The following LAMA3 variants were observed in gnomAD, a reference collection of about 807,000 sequenced individuals.
LAMA3 encodes laminin subunit alpha 3, also known as laminin subunit alpha-3.
In LAMA3, 281 loss-of-function variants were observed where a neutral mutation model predicts 402.0. The ratio of observed to expected loss-of-function variants is 0.70; its 90% CI spans 0.63 to 0.77. The LOEUF (loss-of-function observed/expected upper bound fraction) is 0.77, where lower values mean the gene tolerates loss of function less well. LAMA3 is among the 30% of genes least tolerant of loss of function. The pLI is 0.00. For synonymous variants in LAMA3, 1,431 were observed against 1,558.4 expected, an observed-to-expected ratio of 0.92 and a Z score of 1.93; for missense variants, 3,840 against 4,215.5, an observed-to-expected ratio of 0.91 and a Z score of 2.47.
chr18:23,815,269 A>T (rs771023146), intron 16 of LAMA3, 29 bp downstream of exon 16: 1 of 1,606,622 alleles, frequency 6.2e-7, no homozygotes. Context: ...TCATGTGACA[A>T]CAGCAGAATG....
chr18:23,777,173 G>A (rs111714215), intron 10 of LAMA3, among the ~76,000 whole-genome samples: 13 of 151,548 alleles, frequency 8.6e-5, no homozygotes, highest in African/African-American at 2.4e-4. Flanking sequence ...GAAGAAACCT[G>A]AAGTAGTTTT....
intron 2 of LAMA3, among the ~76,000 whole-genome samples, chr18:23,745,444 G>T (rs2061637664): frequency 6.6e-6 from 1 of 152,102 alleles, no homozygotes; most frequent in Admixed American, 6.5e-5. Flanking sequence ...GGGCTCTCTA[G>T]AATAGAATTT....
chr18:23,829,136 G>A (rs898652982), intron 23 of LAMA3, among the ~76,000 whole-genome samples: 1 of 152,200 alleles, frequency 6.6e-6, no homozygotes, highest in Non-Finnish European at 1.5e-5. Flanking sequence ...TATCAGTTTA[G>A]TTCAGACTTT....
At chr18:23,734,292 G>A (rs1480360090) in intron 2 of LAMA3, among the ~76,000 whole-genome samples, 5 of 152,194 alleles carry the variant, frequency 3.3e-5, no homozygotes, top group African/African-American at 7.2e-5. Flanking sequence ...ACGGGACCAT[G>A]GGGCCTGCTT....
intron 58 of LAMA3, among the ~76,000 whole-genome samples, 192 bp from the exon 59 acceptor site, chr18:23,915,097 C>G (rs1181037075): frequency 6.6e-6 from 1 of 152,136 alleles, no homozygotes; most frequent in Non-Finnish European, 1.5e-5. Context: ...GATGAGGAAA[C>G]AGAGACAGCG....
At chr18:23,756,842 C>A (rs1269090719) in intron 6 of LAMA3, among the ~76,000 whole-genome samples, 1 of 152,102 alleles carries the variant, frequency 6.6e-6, no homozygotes, top group Non-Finnish European at 1.5e-5. Context: ...CCCAGTCCTT[C>A]CCCAACCACG....
chr18:23,876,280 T>C lies in LAMA3; in HGVS notation c.4999-14T>C. 2 of 1,561,154 alleles carry C rather than the reference T, an allele frequency of 1.3e-6. No individual in the cohort carries two copies. The highest frequency in any genetic ancestry group is 1.8e-6 in the Non-Finnish European group (2 of 1,131,740). On this transcript the variant is annotated splice_polypyrimidine_tract_variant and intron_variant, in intron 38 of 74. Transcript: ENST00000313654. ...CTTTCTTTGTATTGATTAAACACTT[T>C]GTTTGAAAAATAGGGTTGTAGCCCT...
intron 2 of LAMA3, among the ~76,000 whole-genome samples, chr18:23,731,961 A>G (rs932293727): frequency 3.9e-5 from 6 of 152,156 alleles, no homozygotes; most frequent in Non-Finnish European, 1.5e-5. Context: ...GCTTTAGGAG[A>G]GGTAAGACAT....
In LAMA3 at chr18:23,819,883, G is replaced by A. The variant is rs1568218431; in HGVS notation, c.2190G>A (p.Lys730=). ...ATTTCCCAGATTTGCATCATATGAAGTATGAGATTGAAGACGGCAGCACAC... is the reference window on the plus strand; with the variant it reads ...ATTTCCCAGATTTGCATCATATGAAATATGAGATTGAAGACGGCAGCACAC... The part of the protein sequence containing the change: ...NYYFPDLHHM[K]YEIEDGSTPN... Residue 730 remains lysine (K), a synonymous_variant, in exon 19 of 75, where the codon AAG becomes AAA. Coordinates refer to ENST00000313654, the MANE Select transcript of LAMA3 (RefSeq NM_198129.4). 1 of 1,614,046 alleles carries A rather than the reference G, an allele frequency of 6.2e-7. No individual in the cohort carries two copies. The highest frequency in any genetic ancestry group is 8.5e-7 in the Non-Finnish European group (1 of 1,179,888).
rs758209520 is a variant in LAMA3, at chr18:23,921,519, T to C, written c.8111T>C (p.Ile2704Thr). Residue 2704 changes from isoleucine to threonine, a missense_variant, in exon 62 of 75, where the codon ATT becomes ACT. Physicochemically the swap from Ile to Thr is moderately conservative, Grantham distance 89. This residue lies in a region of LAMA3 where 840 missense variants were observed against 981.9 expected (regional missense o/e 0.86). Coordinates refer to ENST00000313654, the MANE Select transcript of LAMA3 (RefSeq NM_198129.4). The stretch of plus-strand genomic sequence containing the variant: ...AATGTGGACGTTCAAAACACTATAA[T>C]TGATGGTGAAGTATTTGATTTCAGC... ...WINVDVQNTIIDGEVFDFSTY... is the reference protein window; with the variant it reads ...WINVDVQNTITDGEVFDFSTY... The C allele has an allele frequency of 1.5e-5, 24 of 1,613,530 alleles. No homozygotes were observed. Among genetic ancestry groups the C allele is most frequent in the African/African-American group, 1.3e-4 (10 of 74,906 alleles).
At chr18:23,910,408 G>A (rs1197755901) in intron 55 of LAMA3, among the ~76,000 whole-genome samples, 1 of 152,114 alleles carries the variant, frequency 6.6e-6, no homozygotes, top group African/African-American at 2.4e-5. Context: ...CCGTGTTAGT[G>A]GAAAAACATA....
intron 62 of LAMA3, 109 bp from the exon 63 acceptor site, chr18:23,928,014 C>T (rs2082056037): frequency 1.2e-6 from 1 of 810,650 alleles, no homozygotes; most frequent in African/African-American, 1.7e-5. Context: ...AAACATAAAA[C>T]ACCTACTCAT....
Position 23,815,231 on chromosome 18 carries a change from G to T in LAMA3, c.1932G>T (p.Glu644Asp). 6.2e-7 allele frequency: 1 copy of T among 1,614,080 alleles called. No homozygotes were observed. The highest frequency in any genetic ancestry group is 8.5e-7 in the Non-Finnish European group (1 of 1,179,962). Residue 644 changes from glutamate to aspartate, a missense_variant, in exon 16 of 75, where the codon GAG (glutamate) becomes GAT (aspartate). Physicochemically the swap from Glu to Asp is conservative, Grantham distance 45 (BLOSUM62 2). This residue lies in a region of LAMA3 where 2,109 missense variants were observed against 2,376.0 expected (regional missense o/e 0.89). Transcript: ENST00000313654. ...HKAGTVSGTG[E>D]CRQGDGDCHC... ...CGGGAACAGTGAGTGGAACTGGAGA[G>T]TGTAGGCAGGTAAAGTGGGCTGAGT...
chr18:23,938,222 G>T (rs1339690296), intron 67 of LAMA3, among the ~76,000 whole-genome samples: 1 of 152,156 alleles, frequency 6.6e-6, no homozygotes, highest in East Asian at 1.9e-4. Context: ...TCATTGGCCA[G>T]CAGGGAGGGG....
intron 54 of LAMA3, 48 bp from the exon 55 acceptor site, chr18:23,909,104 CT>C (rs2081350556): frequency 1.3e-6 from 2 of 1,568,592 alleles, no homozygotes; most frequent in Non-Finnish European, 8.8e-7. Context: ...TGTAGTTAGC[CT>C]TTTCTTAATG....
At chr18:23,695,729 G>T (rs2060670992) in intron 1 of LAMA3, among the ~76,000 whole-genome samples, 1 of 129,356 alleles carries the variant, frequency 7.7e-6, no homozygotes, top group African/African-American at 2.9e-5. Context: ...ACCCAGAGGT[G>T]GAGGCTGCAG....
intron 74 of LAMA3, among the ~76,000 whole-genome samples, chr18:23,953,338 G>GTT (rs1169151185): frequency 1.9e-5 from 2 of 104,494 alleles, no homozygotes; most frequent in Non-Finnish European, 4.1e-5. Flanking sequence ...TTTTTTTTTT[G>GTT]TTTTTTTTTT....
chr18:23,932,128 C>A, intron 65 of LAMA3, 32 bp from the exon 66 acceptor site: 2 of 1,612,940 alleles, frequency 1.2e-6, no homozygotes, highest in South Asian at 1.1e-5. Flanking sequence ...TCCAGCAGTT[C>A]TCACCCATGA....
At chr18:23,808,595 G>A (rs2063008973) in intron 12 of LAMA3, among the ~76,000 whole-genome samples, 1 of 152,182 alleles carries the variant, frequency 6.6e-6, no homozygotes, top group African/African-American at 2.4e-5. Context: ...CTCTGGGTCT[G>A]CAAGTACTTG....
Sources: allele counts gnomAD v4.1 joint callset (sites outside exome capture counted in the v4.1 genomes callset), GRCh38; gene constraint gnomAD v4.1.1; regional missense constraint gnomAD v4.1.1; transcripts MANE v1.5; gene names NCBI Gene and HGNC (gene_info 2026-07-23, HGNC 2026-07-21).